Variants in STIM2 observed in about 807,000 individuals in gnomAD.
STIM2 encodes stromal interaction molecule 2.
Under a neutral mutation model 85.8 loss-of-function variants are expected in STIM2, and 31 were observed. The ratio of observed to expected loss-of-function variants is 0.36; its 90% CI spans 0.27 to 0.49. The LOEUF (loss-of-function observed/expected upper bound fraction) is 0.49, where lower values mean the gene tolerates loss of function less well. STIM2 is among the 20% of genes least tolerant of loss of function. The pLI, the probability that STIM2 is intolerant of heterozygous loss-of-function variation, is 0.98. For synonymous variants in STIM2, 356 were observed against 331.1 expected, an observed-to-expected ratio of 1.08 and a Z score of -0.82; for missense variants, 841 against 927.6, an observed-to-expected ratio of 0.91 and a Z score of 1.21.
intron 1 of STIM2, among the ~76,000 whole-genome samples, chr4:26,894,796 C>T (rs531502832): frequency 1.4e-4 from 21 of 152,310 alleles, no homozygotes; most frequent in Admixed American, 4.6e-4. Flanking sequence ...TTCATATAAA[C>T]TTTGCAATTA....
chr4:27,005,424 G>A (rs1012472715), intron 7 of STIM2, among the ~76,000 whole-genome samples: 2 of 152,194 alleles, frequency 1.3e-5, no homozygotes, highest in African/African-American at 4.8e-5. Flanking sequence ...AAATAATACA[G>A]TTGGGTCTAG....
In STIM2 at chr4:27,017,916, A is replaced by C. The variant is rs1417110348; in HGVS notation, c.1695A>C (p.Ser565=). ...CTGATCCAGATATCCTCTCAGTGTCAAGTTGCCCTGCGCTTTATCGAAATG... is the reference window on the plus strand; with the variant it reads ...CTGATCCAGATATCCTCTCAGTGTCCAGTTGCCCTGCGCTTTATCGAAATG... The change falls in exon 11 of 12, where the codon TCA becomes TCC. Residue 565 remains serine (S), a synonymous_variant. Coordinates refer to ENST00000467087, the MANE Select transcript of STIM2 (RefSeq NM_020860.4). 6.2e-7 allele frequency: 1 copy of C among 1,614,028 alleles called. No homozygotes were observed. The highest frequency in any genetic ancestry group is 1.3e-5 in the African/African-American group (1 of 74,898).
chr4:26,897,110 A>T (rs926263667), intron 1 of STIM2, among the ~76,000 whole-genome samples: 2 of 152,174 alleles, frequency 1.3e-5, no homozygotes, highest in African/African-American at 2.4e-5. Flanking sequence ...ATGGAAGTCC[A>T]TTTGAGTTGT....
chr4:26,911,237 AATAAAT>A (rs1233032176), intron 1 of STIM2, among the ~76,000 whole-genome samples: 1 of 92,276 alleles, frequency 1.1e-5, no homozygotes, highest in Non-Finnish European at 3.4e-5. Context: ...TCAAAAAATA[AATAAAT>A]AAATAAATAA....
chr4:26,991,030 C>CA (rs1276546719), intron 3 of STIM2, among the ~76,000 whole-genome samples: 3 of 151,798 alleles, frequency 2.0e-5, no homozygotes, highest in Non-Finnish European at 4.4e-5. Context: ...GGAGGTTTCT[C>CA]AAAAAAACTA....
chr4:26,905,627 T>C (rs537106774), intron 1 of STIM2, among the ~76,000 whole-genome samples: 3 of 152,316 alleles, frequency 2.0e-5, no homozygotes, highest in Non-Finnish European at 2.9e-5. Context: ...CGTGTTTTGT[T>C]GATCCTTATA....
chr4:27,023,010 A>G lies in STIM2; in HGVS notation c.*14A>G. ...AAATCTAAGTGAACTGGCTGACTTG[A>G]TGGAATCATGTTCAAGTGGCATCTG... On this transcript the variant is annotated 3_prime_UTR_variant, in exon 12 of 12. Transcript: ENST00000467087. The G allele has an allele frequency of 6.2e-7, 1 of 1,601,926 alleles. No homozygotes were observed. The highest frequency in any genetic ancestry group is 1.7e-4 in the Middle Eastern group (1 of 5,910).
chr4:26,929,445 T>G (rs1725118273), intron 2 of STIM2, among the ~76,000 whole-genome samples: 1 of 152,152 alleles, frequency 6.6e-6, no homozygotes, highest in African/African-American at 2.4e-5. Flanking sequence ...TGGCCTTCAC[T>G]AGGAGACTTT....
At chr4:26,915,285 A>T (rs1018788051) in intron 1 of STIM2, among the ~76,000 whole-genome samples, 1 of 151,930 alleles carries the variant, frequency 6.6e-6, no homozygotes, top group African/African-American at 2.4e-5. Context: ...CCCAGGGTGG[A>T]GTGTAGTGGC....
At chr4:27,019,617 T>A (rs1349159849) in intron 11 of STIM2, 10 of 541,320 alleles carry the variant, frequency 1.8e-5, no homozygotes, top group Non-Finnish European at 3.0e-5. Flanking sequence ...TTCCTCTTCA[T>A]TTTCAGTCTC....
intron 1 of STIM2, among the ~76,000 whole-genome samples, chr4:26,880,993 G>A (rs1294041031): frequency 6.6e-6 from 1 of 151,962 alleles, no homozygotes. Flanking sequence ...TTTTCTATAT[G>A]TATATGTAGT....
At chr4:26,919,028 A>G (rs1724698226) in intron 1 of STIM2, among the ~76,000 whole-genome samples, 1 of 152,150 alleles carries the variant, frequency 6.6e-6, no homozygotes, top group Non-Finnish European at 1.5e-5. Context: ...TGACTATTTT[A>G]CATTTCCTTT....
intron 3 of STIM2, among the ~76,000 whole-genome samples, chr4:26,967,234 A>G (rs944831994): frequency 6.6e-6 from 1 of 152,226 alleles, no homozygotes; most frequent in Non-Finnish European, 1.5e-5. Context: ...TTATAGTTGC[A>G]TAAGGGCAAT....
chr4:26,987,666 C>T (rs1727629185), intron 3 of STIM2, among the ~76,000 whole-genome samples: 1 of 152,180 alleles, frequency 6.6e-6, no homozygotes, highest in Admixed American at 6.5e-5. Context: ...TAGGAATCAC[C>T]TCCATGATGA....
At chr4:26,916,520 T>C (rs935656973) in intron 1 of STIM2, among the ~76,000 whole-genome samples, 4 of 152,320 alleles carry the variant, frequency 2.6e-5, no homozygotes, top group African/African-American at 7.2e-5. Flanking sequence ...ACCAGAGTTA[T>C]CAGATTTTAA....
Position 26,872,214 on chromosome 4 carries a change from A to G in STIM2, c.151+10845A>G, listed in dbSNP as rs534162067. 7.2e-5 allele frequency among the ~76,000 whole-genome samples: 11 copies of G among 152,364 alleles called. No individual in the cohort carries two copies. In the South Asian group the frequency reaches 2.1e-3, roughly 29 times the overall value. On this transcript the variant is annotated intron_variant, in intron 1 of 11. Coordinates refer to ENST00000467087, the MANE Select transcript of STIM2 (RefSeq NM_020860.4). ...AGTTTGAGGCAGTTAGTTGATCTAA[A>G]TAACCGGACCATGAGTGGTCCGAGA...
intron 1 of STIM2, among the ~76,000 whole-genome samples, chr4:26,902,394 T>C (rs554092914): frequency 3.9e-5 from 6 of 152,302 alleles, no homozygotes; most frequent in African/African-American, 1.4e-4. Context: ...TTCAAATTAC[T>C]GATCTGCAAA....
At chr4:26,956,339 T>A (rs752094457) in intron 2 of STIM2, among the ~76,000 whole-genome samples, 2 of 152,226 alleles carry the variant, frequency 1.3e-5, no homozygotes, top group Middle Eastern at 6.8e-3. Context: ...TAATAAGTGG[T>A]ATTAAGCCAT....
At chr4:26,918,539 A>G (rs1724677344) in intron 1 of STIM2, among the ~76,000 whole-genome samples, 1 of 152,170 alleles carries the variant, frequency 6.6e-6, no homozygotes, top group African/African-American at 2.4e-5. Flanking sequence ...CTTTAAGGCC[A>G]TACTATTTCT....
Sources: allele counts gnomAD v4.1 joint callset (sites outside exome capture counted in the v4.1 genomes callset), GRCh38; gene constraint gnomAD v4.1.1; transcripts MANE v1.5; gene names NCBI Gene and HGNC (gene_info 2026-07-23, HGNC 2026-07-21).